CCDC93: variants seen among roughly 807,000 people sequenced by gnomAD.
The protein encoded by CCDC93 is CCC complex scaffolding subunit CCDC93.
A neutral mutation model predicts 108.2 loss-of-function variants in CCDC93; 61 were observed. The ratio of observed to expected loss-of-function variants is 0.56; its 90% CI spans 0.46 to 0.70. The LOEUF is 0.70. Among genes scored for constraint, CCDC93 ranks in the 30% least tolerant of loss-of-function variants. CCDC93 has a pLI of 0.00. For synonymous variants in CCDC93, 276 were observed against 260.4 expected (o/e 1.06, Z -0.58); for missense variants, 685 against 764.2 (o/e 0.90, Z 1.22).
chr2:117,965,557 TAATATCAACAAA>T (rs1410982184), intron 11 of CCDC93, among the ~76,000 whole-genome samples: 1 of 152,216 alleles, frequency 6.6e-6, no homozygotes, highest in Non-Finnish European at 1.5e-5. Flanking sequence ...AAAAATATTT[TAATATCAACAAA>T]AATATCAACA....
chr2:117,931,495 A>C (rs1137020), intron 22 of CCDC93: 1 of 254,212 alleles, frequency 3.9e-6, no homozygotes, highest in South Asian at 4.6e-5. Flanking sequence ...AACTGCGAGA[A>C]GTGGGTGCTA....
intron 2 of CCDC93, among the ~76,000 whole-genome samples, chr2:118,008,332 T>C (rs1450765953): frequency 6.6e-6 from 1 of 152,256 alleles, no homozygotes; most frequent in Non-Finnish European, 1.5e-5. Flanking sequence ...CCTAAAGCTT[T>C]GTGCACAGAA....
chr2:117,967,708 A>T (rs930101970), intron 11 of CCDC93, among the ~76,000 whole-genome samples: 6 of 152,230 alleles, frequency 3.9e-5, no homozygotes, highest in African/African-American at 1.4e-4. Flanking sequence ...CAAGTCACAT[A>T]ATCTCGTTTC....
At position 117,985,986 on chromosome 2, in the gene CCDC93, T is replaced by C. The variant is rs973651739; in HGVS notation, c.603A>G (p.Thr201=). Residue 201 remains threonine, a synonymous_variant, in exon 7 of 24, where the codon ACA becomes ACG. Coordinates refer to ENST00000376300, the MANE Select transcript of CCDC93 (RefSeq NM_019044.5). Reference sequence around the variant, plus strand: ...CTCATTACCTGCCATATTCCAAAAGTGTAGCATGGATTCGAGATTCTTCAT... The same window carrying C: ...CTCATTACCTGCCATATTCCAAAAGCGTAGCATGGATTCGAGATTCTTCAT... The part of the protein sequence containing the change: ...LLDEESRIHA[T]LLEYGRRYGF... 3.1e-6 allele frequency: 5 copies of C among 1,611,276 alleles called. No individual in the cohort carries two copies. The highest frequency in any genetic ancestry group is 2.2e-5 in the East Asian group (1 of 44,850).
At position 117,944,012 on chromosome 2, in the gene CCDC93, T is replaced by C. The variant is rs1225498125; in HGVS notation, c.1413+12A>G. 5 of 1,584,804 alleles carry C rather than the reference T, an allele frequency of 3.2e-6. No individual in the cohort carries two copies. The highest frequency in any genetic ancestry group is 2.3e-5 in the South Asian group (2 of 85,852). On this transcript the variant is annotated intron_variant, in intron 18 of 23. Transcript: ENST00000376300. Reference sequence around the variant, plus strand: ...AAGCATTTATGCATATTTTTGTCCTTCTTTTACTCACCTGTAGTAAACGTA... The same window carrying C: ...AAGCATTTATGCATATTTTTGTCCTCCTTTTACTCACCTGTAGTAAACGTA...
intron 8 of CCDC93, 130 bp from the exon 9 acceptor site, chr2:117,975,410 T>G: frequency 3.0e-6 from 2 of 668,236 alleles, no homozygotes; most frequent in South Asian, 1.8e-5. Context: ...CCTGAGAGAG[T>G]GGATACTCCA....
chr2:117,974,887 G>A lies in CCDC93; in HGVS notation c.764C>T (p.Ser255Leu), dbSNP rs779620059. 8.9e-6 allele frequency: 14 copies of A among 1,565,752 alleles called. No individual in the cohort carries two copies. Among genetic ancestry groups the A allele is most frequent in the East Asian group, 4.7e-5 (2 of 42,248 alleles). The change falls in exon 10 of 24, where the codon TCG (serine) becomes TTG (leucine). Residue 255 changes from serine to leucine, a missense_variant. Physicochemically the swap from Ser to Leu is moderately radical, Grantham distance 145 (BLOSUM62 -2). Transcript: ENST00000376300. Reference protein sequence around the residue: ...LRAAEEQRIQSLMTKMTAMAN... With the variant: ...LRAAEEQRIQLLMTKMTAMAN... Reference sequence around the variant, plus strand: ...CATAGCGGTCATCTTGGTCATCAGCGACTGAATACGCTGCTGAAAGAGGAA... The same window carrying A: ...CATAGCGGTCATCTTGGTCATCAGCAACTGAATACGCTGCTGAAAGAGGAA...
At chr2:117,937,388 C>T (rs1678558348) in intron 20 of CCDC93, among the ~76,000 whole-genome samples, 1 of 152,146 alleles carries the variant, frequency 6.6e-6, no homozygotes, top group African/African-American at 2.4e-5. Flanking sequence ...AATTTGGGGC[C>T]TCAGAACTAA....
intron 11 of CCDC93, among the ~76,000 whole-genome samples, chr2:117,960,211 CT>C (rs1448091847): frequency 6.6e-6 from 1 of 152,194 alleles, no homozygotes; most frequent in Non-Finnish European, 1.5e-5. Context: ...CATAAGCCTT[CT>C]ATTCATGCTT....
intron 20 of CCDC93, 173 bp from the exon 21 acceptor site, chr2:117,936,912 A>G (rs1298898063): frequency 1.6e-6 from 1 of 606,064 alleles, no homozygotes; most frequent in Non-Finnish European, 3.0e-6. Flanking sequence ...GTTCTGTCTC[A>G]CAGATTTCCT....
At chr2:117,986,992 G>C (rs557174518) in intron 6 of CCDC93, among the ~76,000 whole-genome samples, 8 of 140,404 alleles carry the variant, frequency 5.7e-5, no homozygotes, top group Non-Finnish European at 1.1e-4. Context: ...AGTTACAATT[G>C]AAAGAGTCAG....
At position 117,959,541 on chromosome 2, in the gene CCDC93, G is replaced by A. The variant is rs1426948761; in HGVS notation, c.889-1060C>T. Among the ~76,000 whole-genome samples the A allele has an allele frequency of 2.6e-5, 4 of 152,296 alleles. No individual in the cohort carries two copies. The South Asian group carries it at 8.3e-4, about 32-fold the overall frequency. On this transcript the variant is annotated intron_variant, in intron 11 of 23. Transcript: ENST00000376300. ...AAAGAAATGGGAAAGTGAGAATGAG[G>A]AGAAATTGGATGGCCATAACCATTT... is the stretch of plus-strand genomic sequence containing the variant.
intron 23 of CCDC93, among the ~76,000 whole-genome samples, chr2:117,923,896 C>T (rs1374340269): frequency 3.3e-5 from 5 of 152,216 alleles, no homozygotes; most frequent in African/African-American, 4.8e-5. Flanking sequence ...GGCACATTGA[C>T]ACATCACACA....
At chr2:117,948,718 T>C (rs568341286) in intron 14 of CCDC93, among the ~76,000 whole-genome samples, 1 of 152,350 alleles carries the variant, frequency 6.6e-6, no homozygotes, top group African/African-American at 2.4e-5. Flanking sequence ...CACTGCTCAT[T>C]CTGTGCCTGC....
At chr2:117,921,884 C>CT (rs896243934) in intron 23 of CCDC93, 18 of 151,740 alleles carry the variant, frequency 1.2e-4, no homozygotes, top group African/African-American at 4.1e-4. Context: ...TGCTCTGACA[C>CT]TTTTGAGCAC....
At chr2:118,001,108 G>T in intron 3 of CCDC93, 176 bp from the exon 4 acceptor site, 2 of 522,062 alleles carry the variant, frequency 3.8e-6, no homozygotes, top group Non-Finnish European at 6.8e-6. Context: ...ACAATTTGGT[G>T]GTGTGTAGGT....
In CCDC93 at chr2:117,952,403, T is replaced by C; in HGVS notation, c.1038A>G (p.Arg346=). The C allele has an allele frequency of 6.2e-7, 1 of 1,613,568 alleles. No homozygotes were observed. The highest frequency in any genetic ancestry group is 1.7e-5 in the Admixed American group (1 of 60,014). Reference sequence around the variant, plus strand: ...TCAGCGTTTTCTTGGCTTCATTATATCTGGCTTGTAGGCTGGTGTGACTTG... The same window carrying C: ...TCAGCGTTTTCTTGGCTTCATTATACCTGGCTTGTAGGCTGGTGTGACTTG... ...LRASHTSLQA[R]YNEAKKTLTE... is the part of the protein sequence containing the mutation. Residue 346 remains arginine, a synonymous_variant, in exon 13 of 24, where the codon AGA becomes AGG. Transcript: ENST00000376300.
intron 11 of CCDC93, among the ~76,000 whole-genome samples, chr2:117,970,834 T>C (rs1679736826): frequency 6.6e-6 from 1 of 152,096 alleles, no homozygotes; most frequent in African/African-American, 2.4e-5. Flanking sequence ...CTGGAAATAT[T>C]GGGGGCATAT....
At position 117,985,995 on chromosome 2, in the gene CCDC93, G is replaced by T; in HGVS notation, c.594C>A (p.Ile198=). 2 of 1,612,730 alleles carry T rather than the reference G, an allele frequency of 1.2e-6. No individual in the cohort carries two copies. The highest frequency in any genetic ancestry group is 1.7e-6 in the Non-Finnish European group (2 of 1,178,870). ...AEELLDEESR[I]HATLLEYGRR... ...TGCCATATTCCAAAAGTGTAGCATG[G>T]ATTCGAGATTCTTCATCAAGTAGCT... The change falls in exon 7 of 24, where the codon ATC becomes ATA. Residue 198 remains isoleucine (I), a synonymous_variant. Transcript: ENST00000376300.
Sources: gnomAD v4.1 joint callset for allele counts (sites outside exome capture counted in the v4.1 genomes callset) on GRCh38, gnomAD v4.1.1 for gene constraint, MANE v1.5 for transcripts, NCBI Gene and HGNC (gene_info 2026-07-23, HGNC 2026-07-21) for gene names.